TDRD5: variants seen among roughly 807,000 people sequenced by gnomAD.
The protein encoded by TDRD5 is tudor domain-containing protein 5.
A neutral mutation model predicts 120.6 loss-of-function variants in TDRD5; 41 were observed. The ratio of observed to expected loss-of-function variants is 0.34; its 90% CI spans 0.26 to 0.44. The LOEUF (loss-of-function observed/expected upper bound fraction) is 0.44. TDRD5 is among the 20% of genes least tolerant of loss of function. The pLI is 1.00. For synonymous variants in TDRD5, 430 were observed against 433.7 expected (o/e 0.99, Z 0.11); for missense variants, 1,006 against 1,221.2 (o/e 0.82, Z 2.63).
At chr1:179,676,516 G>A (rs1680155942) in intron 17 of TDRD5, among the ~76,000 whole-genome samples, 1 of 152,116 alleles carries the variant, frequency 6.6e-6, no homozygotes, top group Non-Finnish European at 1.5e-5. Flanking sequence ...AAGATTTAGT[G>A]CTCCTTTAGC....
At chr1:179,603,930 T>A (rs1675841302) in intron 4 of TDRD5, among the ~76,000 whole-genome samples, 1 of 152,178 alleles carries the variant, frequency 6.6e-6, no homozygotes, top group South Asian at 2.1e-4. Context: ...CTCTAGCTTG[T>A]GGAATAGTGT....
rs139328435 is a variant in TDRD5 at position 179,682,819 on chromosome 1, T to C, written c.2861-7877T>C. On this transcript the variant is annotated intron_variant, in intron 17 of 17. Coordinates refer to ENST00000444136, the MANE Select transcript of TDRD5 (RefSeq NM_001199085.3). ...TCTGAGATTATTGATGGACTTGATG[T>C]TGCATGTGTTAGGATGTCTTTCCAT... Among the ~76,000 whole-genome samples, 6 of 152,288 alleles carry C rather than the reference T, an allele frequency of 3.9e-5. No homozygotes were observed. In the East Asian group the frequency reaches 1.2e-3, roughly 29 times the overall value.
At chr1:179,618,442 A>G (rs1238385615) in intron 4 of TDRD5, among the ~76,000 whole-genome samples, 157 bp from the exon 5 acceptor site, 1 of 152,196 alleles carries the variant, frequency 6.6e-6, no homozygotes, top group Non-Finnish European at 1.5e-5. Context: ...TTTGTATGGT[A>G]TGAAATGCTA....
chr1:179,656,109 T>A (rs1393044073), intron 14 of TDRD5, among the ~76,000 whole-genome samples: 1 of 152,258 alleles, frequency 6.6e-6, no homozygotes, highest in Non-Finnish European at 1.5e-5. Flanking sequence ...CACTTGACAT[T>A]GTCAGTAATT....
intron 4 of TDRD5, among the ~76,000 whole-genome samples, chr1:179,613,937 T>C (rs898159742): frequency 3.9e-5 from 6 of 152,208 alleles, no homozygotes; most frequent in Admixed American, 3.9e-4. Flanking sequence ...TGTATTAATG[T>C]TTTCCCATAT....
rs550849646 is a variant in TDRD5, at chr1:179,679,014, G to A, written c.2860+9610G>A. On this transcript the variant is annotated intron_variant, in intron 17 of 17. Coordinates refer to ENST00000444136, the MANE Select transcript of TDRD5 (RefSeq NM_001199085.3). ...TAGCTGTAGCCTTTTTGTAGATGCT[G>A]TTGGTAGGCTAAGAAAGTTCCAATT... Among the ~76,000 whole-genome samples the A allele has an allele frequency of 1.1e-4, 16 of 152,286 alleles. 1 individual carries two copies. The East Asian group carries it at 3.1e-3, about 29-fold the overall frequency.
intron 17 of TDRD5, among the ~76,000 whole-genome samples, chr1:179,679,715 C>T (rs1212303926): frequency 1.6e-5 from 2 of 125,602 alleles, no homozygotes; most frequent in East Asian, 2.5e-4. Flanking sequence ...TCTTTTTCCC[C>T]CCATCTAGAG....
chr1:179,674,030 G>A (rs1034360003), intron 17 of TDRD5, among the ~76,000 whole-genome samples: 2 of 152,094 alleles, frequency 1.3e-5, no homozygotes, highest in Admixed American at 1.3e-4. Flanking sequence ...CGATTTGGGT[G>A]CCCTTTATTT....
In TDRD5 at chr1:179,690,909, A is replaced by G. The variant is rs1681115600; in HGVS notation, c.3074A>G (p.His1025Arg). The change falls in exon 18 of 18, where the codon CAC (histidine) becomes CGC (arginine). Residue 1025 changes from histidine to arginine, a missense_variant. His to Arg is a conservative substitution (Grantham distance 29). Around this residue, in one of 3 missense-constraint regions of TDRD5, gnomAD observed 403 missense variants for 448.1 expected, o/e 0.90. Coordinates refer to ENST00000444136, the MANE Select transcript of TDRD5 (RefSeq NM_001199085.3). ...TTAGCTACATCCAGGAGCCTCCTAC[A>G]CTGGTACCCCAGTGTGAAAAGGATG... ...ARLATSRSLL[H>R]WYPSVKRMEA is the part of the protein sequence containing the mutation. The G allele has an allele frequency of 1.2e-6, 2 of 1,613,552 alleles. No homozygotes were observed. Among genetic ancestry groups the G allele is most frequent in the Non-Finnish European group, 8.5e-7 (1 of 1,179,924 alleles).
intron 11 of TDRD5, among the ~76,000 whole-genome samples, chr1:179,641,696 C>G (rs114323296): frequency 2.6e-5 from 4 of 152,166 alleles, no homozygotes; most frequent in Non-Finnish European, 5.9e-5. Context: ...AAATAGTAAT[C>G]GTAATATTTT....
At chr1:179,653,536 A>G (rs1003757894) in intron 13 of TDRD5, among the ~76,000 whole-genome samples, 1 of 152,176 alleles carries the variant, frequency 6.6e-6, no homozygotes, top group African/African-American at 2.4e-5. Flanking sequence ...CTTAGTCATT[A>G]TTACTGGACT....
At chr1:179,637,094 A>G (rs922525039) in intron 9 of TDRD5, among the ~76,000 whole-genome samples, 24 of 152,204 alleles carry the variant, frequency 1.6e-4, no homozygotes, top group African/African-American at 4.8e-4. Context: ...ATGAACAACA[A>G]TGTCTGATTT....
Position 179,592,571 on chromosome 1 carries a change from C to CT in TDRD5, c.-14-31_-14-30insT, listed in dbSNP as rs762954478. ...TTAAATCTTTTTTCGTGGGTTTGCCCCCTTTTCCTCAGCTGCGTTTCTGTC... is the reference window on the plus strand; with the variant it reads ...TTAAATCTTTTTTCGTGGGTTTGCCCTCCTTTTCCTCAGCTGCGTTTCTGTC... On this transcript the variant is annotated intron_variant, in intron 1 of 17. Coordinates refer to ENST00000444136, the MANE Select transcript of TDRD5 (RefSeq NM_001199085.3). 12 of 1,573,222 alleles carry CT rather than the reference C, an allele frequency of 7.6e-6. No homozygotes were observed. In the South Asian group the frequency reaches 1.3e-4, roughly 18 times the overall value.
chr1:179,624,901 G>A (rs1677036159), intron 6 of TDRD5, among the ~76,000 whole-genome samples: 1 of 151,976 alleles, frequency 6.6e-6, no homozygotes, highest in Non-Finnish European at 1.5e-5. Flanking sequence ...TGGCCTTACA[G>A]TGCATGCATA....
In TDRD5 at chr1:179,650,858, A is replaced by G. The variant is rs1678672366; in HGVS notation, c.1801-9A>G. The stretch of plus-strand genomic sequence containing the variant: ...ATCACCTGAATCCAATATCTTGATC[A>G]TATTTCAGGAACACTGGACATCGAA... On this transcript the variant is annotated splice_polypyrimidine_tract_variant and intron_variant, in intron 11 of 17. Coordinates refer to ENST00000444136, the MANE Select transcript of TDRD5 (RefSeq NM_001199085.3). 6.2e-7 allele frequency: 1 copy of G among 1,613,938 alleles called. No homozygotes were observed. Among genetic ancestry groups the G allele is most frequent in the South Asian group, 1.1e-5 (1 of 91,086 alleles).
At chr1:179,607,167 A>G (rs181492568) in intron 4 of TDRD5, among the ~76,000 whole-genome samples, 1 of 152,206 alleles carries the variant, frequency 6.6e-6, no homozygotes, top group African/African-American at 2.4e-5. Context: ...TTAGATTTAT[A>G]CTTAAGTATT....
At chr1:179,599,816 CAG>C (rs1675606139) in intron 4 of TDRD5, among the ~76,000 whole-genome samples, 1 of 152,150 alleles carries the variant, frequency 6.6e-6, no homozygotes, top group African/African-American at 2.4e-5. Flanking sequence ...AAAATTATAA[CAG>C]AACTGGAAAA....
chr1:179,642,966 G>T (rs1678134973), intron 11 of TDRD5, among the ~76,000 whole-genome samples: 1 of 152,194 alleles, frequency 6.6e-6, no homozygotes, highest in Non-Finnish European at 1.5e-5. Context: ...ATAAGACATT[G>T]TTTGGAAATG....
intron 9 of TDRD5, among the ~76,000 whole-genome samples, chr1:179,636,411 C>T (rs951505694): frequency 2.6e-5 from 4 of 152,206 alleles, no homozygotes; most frequent in African/African-American, 4.8e-5. Flanking sequence ...ATCCACTGGT[C>T]TGCCTCTACA....
Sources: allele counts gnomAD v4.1 joint callset (sites outside exome capture counted in the v4.1 genomes callset), GRCh38; gene constraint gnomAD v4.1.1; regional missense constraint gnomAD v4.1.1; transcripts MANE v1.5; gene names NCBI Gene and HGNC (gene_info 2026-07-23, HGNC 2026-07-21).